The following UBE2L6 variants were observed in gnomAD, a reference collection of about 807,000 sequenced individuals.
The protein encoded by UBE2L6 is ubiquitin conjugating enzyme E2 L6, also known as ubiquitin/ISG15-conjugating enzyme E2 L6.
Under a neutral mutation model 13.6 loss-of-function variants are expected in UBE2L6, and 11 were observed. The observed-to-expected ratio is 0.81, with a 90% CI of 0.51 to 1.34. The LOEUF is 1.34. UBE2L6 is among the 40% of genes most tolerant of loss of function. The pLI is 0.00. For synonymous variants in UBE2L6, 74 were observed against 83.2 expected (o/e 0.89, Z 0.60); for missense variants, 197 against 199.5 (o/e 0.99, Z 0.07).
intron 1 of UBE2L6, among the ~76,000 whole-genome samples, chr11:57,566,147 A>G (rs759112783): frequency 2.0e-5 from 3 of 152,202 alleles, no homozygotes; most frequent in Non-Finnish European, 2.9e-5. Context: ...ACCGGAGAAG[A>G]TCTGGAATAG....
chr11:57,553,694 C>A (rs1001375227), intron 3 of UBE2L6, among the ~76,000 whole-genome samples: 9 of 152,026 alleles, frequency 5.9e-5, no homozygotes, highest in Admixed American at 5.9e-4. Flanking sequence ...GGTGTGGTGT[C>A]ATACGCCTGT....
upstream of UBE2L6, chr11:57,567,698 C>T (rs1467976955): frequency 2.7e-6 from 4 of 1,489,210 alleles, no homozygotes; most frequent in African/African-American, 4.2e-5. Context: ...GCCCCGGGGA[C>T]CCCACCCCCG....
At chr11:57,562,800 T>C (rs1115172) in intron 1 of UBE2L6, among the ~76,000 whole-genome samples, 36,495 of 152,170 alleles carry the variant, frequency 0.24, 4,704 homozygotes, top group African/African-American at 0.31. Flanking sequence ...TATGTAGACA[T>C]GGCTGCAGTG....
chr11:57,554,587 G>A lies in UBE2L6; in HGVS notation c.160C>T (p.Arg54Cys), dbSNP rs566307884. Residue 54 changes from arginine to cysteine, a missense_variant, in exon 3 of 4, where the codon CGC (arginine) becomes TGC (cysteine). Arg to Cys is a radical substitution (Grantham distance 180). Transcript: ENST00000287156. ...GGATACTCCGGCGGGAAGCTGATGC[G>A]CAGGTTGAAGGCTTTCAGGTGGTAG... ...PPYHLKAFNL[R>C]ISFPPEYPFK... 8 of 1,614,142 alleles carry A rather than the reference G, an allele frequency of 5.0e-6. No individual in the cohort carries two copies. The highest frequency in any genetic ancestry group is 3.3e-5 in the Admixed American group (2 of 60,022).
chr11:57,566,943 G>GGTC, intron 1 of UBE2L6: 1 of 75,880 alleles, frequency 1.3e-5, no homozygotes, highest in Non-Finnish European at 2.7e-5. Context: ...GTTCATCTCT[G>GGTC]CCCGCCCCCC....
rs191183368 is a variant in UBE2L6 at position 57,554,892 on chromosome 11, C to T, written c.124-269G>A. On this transcript the variant is annotated intron_variant, in intron 2 of 3. Coordinates refer to ENST00000287156, the MANE Select transcript of UBE2L6 (RefSeq NM_004223.5). ...ACTTCCCACCTCTAGGCCTCAGTTT[C>T]CTCATTTGAAAAGTGGATAAAGATG... 1.0e-4 allele frequency among the ~76,000 whole-genome samples: 14 copies of T among 139,040 alleles called. No homozygotes were observed. In the East Asian group the frequency reaches 3.0e-3, roughly 29 times the overall value. The allele number at this position is 139,040 out of a possible 152,430, so 91.2% of individuals were successfully genotyped here. A position where few individuals can be genotyped will look rare whatever the true frequency, so the allele number is the denominator to read the frequency against.
chr11:57,559,773 GA>G (rs34890600), intron 2 of UBE2L6, among the ~76,000 whole-genome samples: 2 of 152,034 alleles, frequency 1.3e-5, no homozygotes, highest in Admixed American at 6.5e-5. Context: ...ATAATCGGAT[GA>G]AAAAAAGAGA....
chr11:57,557,274 G>A lies in UBE2L6; in HGVS notation c.124-2651C>T, dbSNP rs547018769. On this transcript the variant is annotated intron_variant, in intron 2 of 3. Coordinates refer to ENST00000287156, the MANE Select transcript of UBE2L6 (RefSeq NM_004223.5). ...GTTTAGAAGATCCTGGCACCTGCTCGCTCTCTCTCTCTTTCACTTCTTCTC... is the reference window on the plus strand; with the variant it reads ...GTTTAGAAGATCCTGGCACCTGCTCACTCTCTCTCTCTTTCACTTCTTCTC... Among the ~76,000 whole-genome samples, 22 of 151,654 alleles carry A rather than the reference G, an allele frequency of 1.5e-4. No homozygotes were observed. In the South Asian group the frequency reaches 4.4e-3, roughly 30 times the overall value.
intron 2 of UBE2L6, 30 bp downstream of exon 2, chr11:57,560,307 T>A (rs776911602): frequency 1.7e-5 from 27 of 1,597,096 alleles, no homozygotes; most frequent in East Asian, 1.3e-4. Flanking sequence ...TTGGCCCCAA[T>A]CCAAAGCCAT....
chr11:57,562,865 C>T (rs1053243414), intron 1 of UBE2L6, among the ~76,000 whole-genome samples: 6 of 152,036 alleles, frequency 3.9e-5, no homozygotes, highest in African/African-American at 1.4e-4. Flanking sequence ...AAAGCCTTCC[C>T]AAGAAGGATG....
chr11:57,555,695 G>C (rs1285262716), intron 2 of UBE2L6, among the ~76,000 whole-genome samples: 1 of 152,072 alleles, frequency 6.6e-6, no homozygotes, highest in African/African-American at 2.4e-5. Context: ...TCCCACCTCA[G>C]CCTCCTGAGT....
intron 1 of UBE2L6, among the ~76,000 whole-genome samples, chr11:57,560,800 T>C (rs542062252): frequency 6.6e-6 from 1 of 151,984 alleles, no homozygotes; most frequent in East Asian, 1.9e-4. Context: ...TTTTGTATTT[T>C]TAGTAGAGAC....
At chr11:57,565,256 A>T (rs1316157437) in intron 1 of UBE2L6, among the ~76,000 whole-genome samples, 1 of 151,984 alleles carries the variant, frequency 6.6e-6, no homozygotes, top group Non-Finnish European at 1.5e-5. Flanking sequence ...GAAGGAAGGA[A>T]GGAAAGAAAG....
chr11:57,552,370 G>A lies in UBE2L6; in HGVS notation c.450C>T (p.Asp150=), dbSNP rs769495499. The A allele has an allele frequency of 2.5e-6, 4 of 1,614,218 alleles. No individual in the cohort carries two copies. Among genetic ancestry groups the A allele is most frequent in the Admixed American group, 3.3e-5 (2 of 60,024 alleles). The change falls in exon 4 of 4, where the codon GAC becomes GAT. Residue 150 remains aspartate, a synonymous_variant. Coordinates refer to ENST00000287156, the MANE Select transcript of UBE2L6 (RefSeq NM_004223.5). ...AEEFTLRFGV[D]RPS ...GTCAGAACATGAGTTAGGAGGGCCG[G>A]TCCACTCCGAATCGGAGGGTGAACT...
chr11:57,558,833 C>T (rs1313968637), intron 2 of UBE2L6, among the ~76,000 whole-genome samples: 1 of 152,172 alleles, frequency 6.6e-6, no homozygotes, highest in Non-Finnish European at 1.5e-5. Context: ...ATGGCCTCAC[C>T]AGGCACCTTC....
chr11:57,554,031 A>G (rs993260559), intron 3 of UBE2L6, among the ~76,000 whole-genome samples: 1 of 152,162 alleles, frequency 6.6e-6, no homozygotes, highest in Non-Finnish European at 1.5e-5. Context: ...TTTTTAGCAC[A>G]GTGCCGAAAG....
At position 57,560,434 on chromosome 11, in the gene UBE2L6, T is replaced by C; in HGVS notation, c.28-2A>G. 1 of 1,611,108 alleles carries C rather than the reference T, an allele frequency of 6.2e-7. No individual in the cohort carries two copies. The highest frequency in any genetic ancestry group is 8.5e-7 in the Non-Finnish European group (1 of 1,178,164). On this transcript the variant is annotated splice_acceptor_variant, in intron 1 of 3. Coordinates refer to ENST00000287156, the MANE Select transcript of UBE2L6 (RefSeq NM_004223.5). LOFTEE classifies it high-confidence loss of function. ...CTTCTTCTGAAGATCCTCCAGCTCC[T>C]GCAGGGGACACAAGTGAGTGGGCAG...
chr11:57,560,422 T>C lies in UBE2L6; in HGVS notation c.38A>G (p.Asp13Gly). Residue 13 changes from aspartate to glycine, a missense_variant, in exon 2 of 4, where the codon GAT becomes GGT. Asp to Gly is a moderately conservative substitution (Grantham distance 94). Transcript: ENST00000287156. ...GTATGGGGGAGGCTTCTTCTGAAGATCCTCCAGCTCCTGCAGGGGACACAA... is the reference window on the plus strand; with the variant it reads ...GTATGGGGGAGGCTTCTTCTGAAGACCCTCCAGCTCCTGCAGGGGACACAA... ...ASMRVVKELEDLQKKPPPYLR... is the reference protein window; with the variant it reads ...ASMRVVKELEGLQKKPPPYLR... 6.2e-7 allele frequency: 1 copy of C among 1,612,912 alleles called. No homozygotes were observed. Among genetic ancestry groups the C allele is most frequent in the South Asian group, 1.1e-5 (1 of 91,014 alleles).
intron 2 of UBE2L6, among the ~76,000 whole-genome samples, chr11:57,555,276 T>C (rs976002033): frequency 4.6e-5 from 7 of 152,186 alleles, no homozygotes. Context: ...ACGTGGCATA[T>C]ACACACAATG....
Sources: allele counts gnomAD v4.1 joint callset (sites outside exome capture counted in the v4.1 genomes callset), GRCh38; gene constraint gnomAD v4.1.1; transcripts MANE v1.5; gene names NCBI Gene and HGNC (gene_info 2026-07-23, HGNC 2026-07-21).